DNAH14: variants seen among roughly 807,000 people sequenced by gnomAD.
DNAH14 encodes dynein axonemal heavy chain 14.
A neutral mutation model predicts 520.9 loss-of-function variants in DNAH14; 478 were observed. The observed-to-expected ratio is 0.92, with a 90% CI of 0.85 to 0.99. The LOEUF is 0.99. DNAH14 is among the 50% of genes least tolerant of loss of function. DNAH14 has a pLI of 0.00. For missense variants in DNAH14, 4,831 were observed against 5,234.5 expected (o/e 0.92, Z 2.38); for synonymous variants, 1,581 against 1,757.2 (o/e 0.90, Z 2.51).
chr1:225,045,892 T>G (rs2067913891), intron 15 of DNAH14, among the ~76,000 whole-genome samples: 1 of 152,110 alleles, frequency 6.6e-6, no homozygotes, highest in Non-Finnish European at 1.5e-5. Flanking sequence ...CTGAAAATTT[T>G]GCCCACTAAT....
At chr1:225,340,982 C>T (rs1441630087) in intron 69 of DNAH14, among the ~76,000 whole-genome samples, 1 of 152,202 alleles carries the variant, frequency 6.6e-6, no homozygotes, top group Non-Finnish European at 1.5e-5. Flanking sequence ...TTAGTTCCCT[C>T]CAAGGCTCTA....
At chr1:225,325,925 T>C (rs2094655476) in intron 64 of DNAH14, among the ~76,000 whole-genome samples, 1 of 152,202 alleles carries the variant, frequency 6.6e-6, no homozygotes. Flanking sequence ...TTTGGCCCCA[T>C]AGGCATTTCT....
chr1:225,197,158 A>G (rs1164736821), intron 38 of DNAH14, among the ~76,000 whole-genome samples: 2 of 151,986 alleles, frequency 1.3e-5, no homozygotes, highest in Non-Finnish European at 1.5e-5. Context: ...ATTTTGTAGA[A>G]TTTTTATGGT....
At chr1:225,012,386 T>G (rs1572452641) in intron 10 of DNAH14, among the ~76,000 whole-genome samples, 1 of 152,304 alleles carries the variant, frequency 6.6e-6, no homozygotes, top group East Asian at 1.9e-4. Context: ...CTTTACATTT[T>G]TTTTTTCATT....
At chr1:225,022,579 A>G (rs1001134228) in intron 10 of DNAH14, among the ~76,000 whole-genome samples, 3 of 152,214 alleles carry the variant, frequency 2.0e-5, no homozygotes, top group Non-Finnish European at 4.4e-5. Context: ...AATGGCTGTT[A>G]TTAAAAAGTC....
intron 73 of DNAH14, chr1:225,357,627 A>G (rs1280184183): frequency 8.0e-6 from 4 of 496,938 alleles, no homozygotes; most frequent in African/African-American, 2.0e-5. Context: ...TTTTAAGAAT[A>G]ATTTTTCCAA....
intron 38 of DNAH14, among the ~76,000 whole-genome samples, chr1:225,203,861 G>A (rs774522547): frequency 4.6e-4 from 70 of 152,080 alleles, no homozygotes; most frequent in Non-Finnish European, 1.0e-4. Flanking sequence ...AAATATGTAT[G>A]GTGATTGTCT....
intron 55 of DNAH14, among the ~76,000 whole-genome samples, chr1:225,298,613 G>C (rs2094067559): frequency 6.6e-6 from 1 of 152,148 alleles, no homozygotes; most frequent in Non-Finnish European, 1.5e-5. Context: ...CCCAGTGCTG[G>C]AGAGGTGCAT....
chr1:225,053,666 T>C (rs537065129), intron 17 of DNAH14, among the ~76,000 whole-genome samples: 3 of 152,278 alleles, frequency 2.0e-5, no homozygotes, highest in African/African-American at 7.2e-5. Flanking sequence ...CAACAGGATA[T>C]GGCATTGACT....
At chr1:225,032,298 T>A (rs1421901636) in intron 11 of DNAH14, among the ~76,000 whole-genome samples, 2 of 152,126 alleles carry the variant, frequency 1.3e-5, no homozygotes, top group Non-Finnish European at 2.9e-5. Context: ...GTTCTTATCA[T>A]TTAGCTCCCA....
chr1:225,335,114 T>C (rs1196790569), intron 66 of DNAH14, among the ~76,000 whole-genome samples: 1 of 147,832 alleles, frequency 6.8e-6, no homozygotes, highest in Non-Finnish European at 1.5e-5. Context: ...TATATACATA[T>C]ATACATGTGT....
chr1:225,366,793 C>T (rs1230321342), intron 76 of DNAH14, among the ~76,000 whole-genome samples: 1 of 140,896 alleles, frequency 7.1e-6, no homozygotes. Flanking sequence ...TTGTAAAAAC[C>T]TAGAGACCTC....
At chr1:225,055,779 T>C (rs1336050720) in intron 17 of DNAH14, among the ~76,000 whole-genome samples, 1 of 149,592 alleles carries the variant, frequency 6.7e-6, no homozygotes, top group Non-Finnish European at 1.5e-5. Context: ...AGTGAGAACA[T>C]GTGGTGTTTG....
intron 55 of DNAH14, among the ~76,000 whole-genome samples, chr1:225,297,715 C>T (rs1203036557): frequency 5.3e-5 from 8 of 152,188 alleles, no homozygotes. Context: ...TGGAGGTGGG[C>T]TCACCAGGCT....
At chr1:225,195,624 T>G (rs1277580749) in intron 38 of DNAH14, among the ~76,000 whole-genome samples, 1 of 148,420 alleles carries the variant, frequency 6.7e-6, no homozygotes, top group South Asian at 2.2e-4. Context: ...ATAACAACCC[T>G]GCACATATAC....
chr1:225,252,683 T>C (rs1439248258), intron 44 of DNAH14, among the ~76,000 whole-genome samples: 1 of 152,098 alleles, frequency 6.6e-6, no homozygotes, highest in African/African-American at 2.4e-5. Flanking sequence ...TTGAAAGTCT[T>C]CCTAAGAGCA....
intron 17 of DNAH14, among the ~76,000 whole-genome samples, chr1:225,075,616 C>A (rs1207871078): frequency 6.6e-6 from 1 of 152,096 alleles, no homozygotes; most frequent in Non-Finnish European, 1.5e-5. Context: ...GTAGTCCCAG[C>A]TACTCAGGAA....
chr1:225,333,513 A>G lies in DNAH14; in HGVS notation c.10080+7A>G. ...TATGGCACAAAAATATGAGGTAATA[A>G]CATATTTCTATTATCCAGTTAAGTG... is the stretch of plus-strand genomic sequence containing the variant. On this transcript the variant is annotated splice_region_variant and intron_variant, in intron 66 of 85. Transcript: ENST00000682510. 6.5e-7 allele frequency: 1 copy of G among 1,538,850 alleles called. No homozygotes were observed. The highest frequency in any genetic ancestry group is 8.8e-7 in the Non-Finnish European group (1 of 1,136,420).
At chr1:225,156,043 C>G (rs2081008723) in intron 34 of DNAH14, among the ~76,000 whole-genome samples, 1 of 152,122 alleles carries the variant, frequency 6.6e-6, no homozygotes, top group African/African-American at 2.4e-5. Flanking sequence ...CCTGTCCCTT[C>G]CTTTCCTTCT....
Sources: allele counts gnomAD v4.1 joint callset (sites outside exome capture counted in the v4.1 genomes callset), GRCh38; gene constraint gnomAD v4.1.1; transcripts MANE v1.5; gene names NCBI Gene and HGNC (gene_info 2026-07-23, HGNC 2026-07-21).